STAC: variants seen among roughly 807,000 people sequenced by gnomAD.
STAC encodes SH3 and cysteine rich domain.
A neutral mutation model predicts 48.8 loss-of-function variants in STAC; 43 were observed. The observed-to-expected ratio is 0.88, with a 90% CI of 0.69 to 1.14. STAC has a LOEUF of 1.14. Ranked by LOEUF, STAC falls within the 50% of genes most tolerant of loss-of-function variation. STAC has a pLI of 0.00. For synonymous variants in STAC, 193 were observed against 179.5 expected, an observed-to-expected ratio of 1.07 and a Z score of -0.60; for missense variants, 497 against 504.0, an observed-to-expected ratio of 0.99 and a Z score of 0.13.
At chr3:36,384,782 T>C (rs1245313378) in intron 1 of STAC, among the ~76,000 whole-genome samples, 3 of 152,134 alleles carry the variant, frequency 2.0e-5, no homozygotes, top group Admixed American at 6.5e-5. Flanking sequence ...AAAGTGACCC[T>C]CATTCCTGGA....
intron 10 of STAC, among the ~76,000 whole-genome samples, chr3:36,536,414 C>T (rs1312419447): frequency 2.6e-5 from 4 of 152,094 alleles, no homozygotes; most frequent in Admixed American, 2.0e-4. Flanking sequence ...GCCAGTGGAA[C>T]AGTATAGAGG....
intron 2 of STAC, among the ~76,000 whole-genome samples, chr3:36,453,873 T>C (rs13088973): frequency 0.12 from 18,673 of 152,160 alleles, 1,351 homozygotes; most frequent in East Asian, 0.31. Flanking sequence ...CCAATCAGCA[T>C]CCTGTGTCTA....
rs559748013 is a variant in STAC at position 36,403,955 on chromosome 3, G to A, written c.111+23201G>A. Among the ~76,000 whole-genome samples, 11 of 152,264 alleles carry A rather than the reference G, an allele frequency of 7.2e-5. No homozygotes were observed. In the South Asian group the frequency reaches 2.3e-3, roughly 32 times the overall value. On this transcript the variant is annotated intron_variant, in intron 1 of 10. Coordinates refer to ENST00000273183, the MANE Select transcript of STAC (RefSeq NM_003149.3). ...AGCACTAACAAAGCAATTTTGCACAGTGACTCTGACTTGAAAGGTATTTTA... is the reference window on the plus strand; with the variant it reads ...AGCACTAACAAAGCAATTTTGCACAATGACTCTGACTTGAAAGGTATTTTA...
At chr3:36,453,859 C>T (rs1352527083) in intron 2 of STAC, among the ~76,000 whole-genome samples, 1 of 152,220 alleles carries the variant, frequency 6.6e-6, no homozygotes, top group Non-Finnish European at 1.5e-5. Flanking sequence ...GGTTTGTAAA[C>T]ACACCAATCA....
chr3:36,497,328 T>C (rs1378157854), intron 6 of STAC, among the ~76,000 whole-genome samples: 1 of 152,216 alleles, frequency 6.6e-6, no homozygotes, highest in Non-Finnish European at 1.5e-5. Context: ...TTTCCCAGTT[T>C]AGCACTCCTA....
intron 2 of STAC, among the ~76,000 whole-genome samples, chr3:36,476,115 T>C (rs1212231506): frequency 6.6e-6 from 1 of 152,256 alleles, no homozygotes; most frequent in Non-Finnish European, 1.5e-5. Flanking sequence ...AGTATTCTCT[T>C]GGCCTGGACA....
chr3:36,394,898 A>G (rs1301225820), intron 1 of STAC, among the ~76,000 whole-genome samples: 4 of 151,888 alleles, frequency 2.6e-5, no homozygotes, highest in African/African-American at 9.7e-5. Flanking sequence ...AAAAAGGAAT[A>G]TATTTGCATT....
chr3:36,521,071 A>G (rs1698791468), intron 8 of STAC, among the ~76,000 whole-genome samples: 1 of 152,072 alleles, frequency 6.6e-6, no homozygotes, highest in African/African-American at 2.4e-5. Flanking sequence ...AAATTAAGTC[A>G]TAGATCTAAG....
chr3:36,413,165 G>A (rs1328590010), intron 1 of STAC, among the ~76,000 whole-genome samples: 2 of 152,200 alleles, frequency 1.3e-5, no homozygotes, highest in Non-Finnish European at 2.9e-5. Flanking sequence ...ATTTGGGGTG[G>A]ACGGTTCTAT....
chr3:36,384,044 T>A (rs1531134), intron 1 of STAC, among the ~76,000 whole-genome samples: 2 of 152,152 alleles, frequency 1.3e-5, no homozygotes, highest in South Asian at 4.1e-4. Flanking sequence ...AAGCCACTGA[T>A]GTATCATACC....
chr3:36,438,652 C>A (rs1696227254), intron 1 of STAC, among the ~76,000 whole-genome samples: 1 of 152,172 alleles, frequency 6.6e-6, no homozygotes, highest in Non-Finnish European at 1.5e-5. Context: ...GGTCCGATGG[C>A]TTCATACAAT....
intron 2 of STAC, among the ~76,000 whole-genome samples, chr3:36,473,553 C>G (rs539922195): frequency 6.6e-6 from 1 of 152,290 alleles, no homozygotes; most frequent in East Asian, 1.9e-4. Context: ...GATGCACAGA[C>G]TGAGGCTCAG....
intron 10 of STAC, among the ~76,000 whole-genome samples, chr3:36,544,713 G>A (rs964310143): frequency 1.3e-5 from 2 of 152,096 alleles, no homozygotes; most frequent in African/African-American, 4.8e-5. Flanking sequence ...AAAAGTTGTA[G>A]GTCTCAGCTT....
At chr3:36,437,931 GTTATTATTATTATTATTA>G (rs146079093) in intron 1 of STAC, among the ~76,000 whole-genome samples, 1 of 140,576 alleles carries the variant, frequency 7.1e-6, no homozygotes, top group South Asian at 2.3e-4. Context: ...TATTCATTGA[GTTATTATTATTATTATTA>G]TTATTATTAT....
chr3:36,399,201 T>C (rs1337854234), intron 1 of STAC, among the ~76,000 whole-genome samples: 1 of 152,168 alleles, frequency 6.6e-6, no homozygotes, highest in Admixed American at 6.5e-5. Context: ...GGAAGAGAGA[T>C]CTGCCTGCCA....
intron 1 of STAC, among the ~76,000 whole-genome samples, chr3:36,412,244 C>T (rs1700211618): frequency 6.6e-6 from 1 of 152,108 alleles, no homozygotes; most frequent in African/African-American, 2.4e-5. Flanking sequence ...TAGCTTTTGA[C>T]ATTACGCCTA....
intron 1 of STAC, among the ~76,000 whole-genome samples, chr3:36,419,947 C>T (rs934046497): frequency 1.3e-5 from 2 of 152,134 alleles, no homozygotes; most frequent in African/African-American, 2.4e-5. Flanking sequence ...ATTTTATTTT[C>T]TATTTCTGGA....
chr3:36,399,182 TTC>T (rs1272298193), intron 1 of STAC, among the ~76,000 whole-genome samples: 2 of 152,160 alleles, frequency 1.3e-5, no homozygotes, highest in African/African-American at 4.8e-5. Flanking sequence ...TTGAGGGTGA[TTC>T]TCTAAAGGAA....
At chr3:36,495,753 A>T (rs943008105) in intron 6 of STAC, among the ~76,000 whole-genome samples, 1 of 152,250 alleles carries the variant, frequency 6.6e-6, no homozygotes, top group African/African-American at 2.4e-5. Flanking sequence ...ATGTAGCATC[A>T]CTGCTATTAG....
Sources: allele counts gnomAD v4.1 joint callset (sites outside exome capture counted in the v4.1 genomes callset), GRCh38; gene constraint gnomAD v4.1.1; transcripts MANE v1.5; gene names NCBI Gene and HGNC (gene_info 2026-07-23, HGNC 2026-07-21).